BAIAP2: variants seen among roughly 807,000 people sequenced by gnomAD.
The protein encoded by BAIAP2 is BAR/IMD domain-containing adapter protein 2.
Under a neutral mutation model 63.0 loss-of-function variants are expected in BAIAP2, and 18 were observed. The ratio of observed to expected loss-of-function variants is 0.29; its 90% CI spans 0.20 to 0.42. BAIAP2 has a LOEUF of 0.42. Ranked by LOEUF, BAIAP2 falls within the 10% of genes least tolerant of loss-of-function variation. The probability of loss-of-function intolerance (pLI) is 1.00; values close to 1 mark genes in which losing one functional copy is unlikely to be tolerated. For synonymous variants in BAIAP2, 386 were observed against 307.6 expected (o/e 1.25, Z -2.67); for missense variants, 610 against 734.3 (o/e 0.83, Z 1.96).
At chr17:81,050,725 AAATG>A (rs1301234990) in intron 1 of BAIAP2, among the ~76,000 whole-genome samples, 6 of 18,228 alleles carry the variant, frequency 3.3e-4, no homozygotes, top group African/African-American at 8.5e-4. Flanking sequence ...ACACGCACAC[AAATG>A]TGCACATGCA....
intron 6 of BAIAP2, among the ~76,000 whole-genome samples, chr17:81,095,360 A>G (rs2057448262): frequency 6.6e-6 from 1 of 152,150 alleles, no homozygotes; most frequent in South Asian, 2.1e-4. Flanking sequence ...ACAGCAGGTC[A>G]CAGTTGGCCG....
chr17:81,108,656 C>T (rs1568190757), intron 13 of BAIAP2, 147 bp downstream of exon 13: 1 of 1,068,090 alleles, frequency 9.4e-7, no homozygotes, highest in Non-Finnish European at 1.4e-6. Flanking sequence ...CGGGGATGTC[C>T]CTTAGGGCGT....
At chr17:81,061,611 A>C (rs2050571276) in intron 3 of BAIAP2, among the ~76,000 whole-genome samples, 1 of 152,044 alleles carries the variant, frequency 6.6e-6, no homozygotes, top group South Asian at 2.1e-4. Flanking sequence ...AATTTGTTGC[A>C]TTTCGTCGCT....
intron 1 of BAIAP2, among the ~76,000 whole-genome samples, chr17:81,051,907 C>G (rs897745583): frequency 6.6e-6 from 1 of 152,226 alleles, no homozygotes; most frequent in Non-Finnish European, 1.5e-5. Context: ...CCAGGCCGGT[C>G]TTGAACGCTT....
At chr17:81,036,910 T>C (rs2046351284) in intron 1 of BAIAP2, 2 of 1,535,626 alleles carry the variant, frequency 1.3e-6, no homozygotes, top group African/African-American at 1.4e-5. Flanking sequence ...TTTTTTCTCC[T>C]TCTGCGCTGA....
chr17:81,043,812 G>T (rs926182907), intron 1 of BAIAP2, among the ~76,000 whole-genome samples: 1 of 152,248 alleles, frequency 6.6e-6, no homozygotes, highest in African/African-American at 2.4e-5. Flanking sequence ...CAACTCCAGG[G>T]CCCTCTGGCT....
At chr17:81,055,903 T>G (rs1325875373) in intron 2 of BAIAP2, among the ~76,000 whole-genome samples, 2 of 152,142 alleles carry the variant, frequency 1.3e-5, no homozygotes, top group African/African-American at 4.8e-5. Flanking sequence ...ATGCTTGGGC[T>G]GTGGCAGTGA....
chr17:81,097,204 C>G (rs1305403390), intron 6 of BAIAP2, among the ~76,000 whole-genome samples: 1 of 152,202 alleles, frequency 6.6e-6, no homozygotes, highest in Admixed American at 6.5e-5. Context: ...AGTAGCAAGC[C>G]CGTTGTTTTG....
chr17:81,044,377 C>A (rs530915368), intron 1 of BAIAP2, among the ~76,000 whole-genome samples: 1 of 152,226 alleles, frequency 6.6e-6, no homozygotes, highest in Admixed American at 6.5e-5. Flanking sequence ...GGGACCAACA[C>A]GGCGCCACAG....
intron 1 of BAIAP2, among the ~76,000 whole-genome samples, chr17:81,045,321 C>A (rs2047657653): frequency 6.6e-6 from 1 of 151,966 alleles, no homozygotes; most frequent in Non-Finnish European, 1.5e-5. Flanking sequence ...GGCTGGGGGC[C>A]CAGGGGAATG....
chr17:81,082,776 G>C (rs1384647459), intron 3 of BAIAP2, among the ~76,000 whole-genome samples: 2 of 152,240 alleles, frequency 1.3e-5, no homozygotes, highest in African/African-American at 2.4e-5. Flanking sequence ...GGAGGTGCCT[G>C]AGATGCCTGG....
At chr17:81,092,702 C>T (rs577091903) in intron 6 of BAIAP2, among the ~76,000 whole-genome samples, 174 of 152,184 alleles carry the variant, frequency 1.1e-3, no homozygotes, top group African/African-American at 4.0e-3. Context: ...ACCGCCCTGA[C>T]GGCCTTGGGC....
intron 12 of BAIAP2, chr17:81,107,456 T>C (rs1311724436): frequency 1.3e-5 from 2 of 153,016 alleles, no homozygotes; most frequent in Non-Finnish European, 2.9e-5. Context: ...GGCCCTGGTG[T>C]GGGTTCTCGG....
intron 2 of BAIAP2, 135 bp from the exon 3 acceptor site, chr17:81,057,746 G>A (rs1367202567): frequency 9.9e-6 from 14 of 1,412,630 alleles, no homozygotes; most frequent in Middle Eastern, 2.0e-4. Flanking sequence ...AAATCACAGC[G>A]AGTCGAGTAT....
chr17:81,109,372 TAAAAAAAAAAA>T lies in BAIAP2; in HGVS notation c.1535+876_1535+886del, dbSNP rs747875777. 18 of 890,620 alleles carry T rather than the reference TAAAAAAAAAAA, an allele frequency of 2.0e-5. No homozygotes were observed. The East Asian group carries it at 6.4e-4, about 32-fold the overall frequency. 55.2% of individuals were successfully genotyped at this position (890,620 alleles called of 1,614,324 possible). On this transcript the variant is annotated intron_variant, in intron 13 of 13. Coordinates refer to ENST00000428708, the MANE Select transcript of BAIAP2 (RefSeq NM_001144888.2). ...AAAGTTTGAAGAAAAAGAAAAATCT[TAAAAAAAAAAA>T]AAAAAAAAAAAAGAAAAAAAGAAAA...
In BAIAP2 at chr17:81,106,289, A is replaced by G. The variant is rs946185025; in HGVS notation, c.1337+143A>G. ...CAGGGCCATCCCCAGTGGCCCTGAGAGCTGGACGCTTGAGGCCTTCAGGGT... is the reference window on the plus strand; with the variant it reads ...CAGGGCCATCCCCAGTGGCCCTGAGGGCTGGACGCTTGAGGCCTTCAGGGT... On this transcript the variant is annotated intron_variant, in intron 11 of 13. Coordinates refer to ENST00000428708, the MANE Select transcript of BAIAP2 (RefSeq NM_001144888.2). 9 of 912,172 alleles carry G rather than the reference A, an allele frequency of 9.9e-6. No homozygotes were observed. In the African/African-American group the frequency reaches 1.3e-4, roughly 14 times the overall value. 56.5% of individuals were successfully genotyped at this position (912,172 alleles called of 1,614,324 possible). A position where few individuals can be genotyped will look rare whatever the true frequency, so the allele number is the denominator to read the frequency against.
rs954211872 is a variant in BAIAP2, at chr17:81,046,688, C to T, written c.55-6980C>T. Among the ~76,000 whole-genome samples, 7 of 152,164 alleles carry T rather than the reference C, an allele frequency of 4.6e-5. No individual in the cohort carries two copies. Among genetic ancestry groups the T allele is most frequent in the African/African-American group, 9.7e-5 (4 of 41,414 alleles). ...CAGCAAGCTCTGAGGTGTCCTCCCG[C>T]GAGGACACTGTCCACTGCTGCAGGG... On this transcript the variant is annotated intron_variant, in intron 1 of 13. Transcript: ENST00000428708. The surrounding 1 kb of genome is among the most constrained non-coding windows in gnomAD (Gnocchi z 4.5).
At chr17:81,097,445 A>G (rs1464659792) in intron 6 of BAIAP2, 1 of 152,310 alleles carries the variant, frequency 6.6e-6, no homozygotes, top group Non-Finnish European at 1.5e-5. Flanking sequence ...GTAGGCAGCC[A>G]GGGAACAGGC....
At chr17:81,087,379 G>GTGCGTGTGTC (rs2055867383) in intron 6 of BAIAP2, 1 of 152,250 alleles carries the variant, frequency 6.6e-6, no homozygotes, top group Non-Finnish European at 1.5e-5. Flanking sequence ...ACCTGCCCGT[G>GTGCGTGTGTC]TGCGTGTGTC....
Sources: gnomAD v4.1 joint callset for allele counts (sites outside exome capture counted in the v4.1 genomes callset) on GRCh38, gnomAD v4.1.1 for gene constraint, Gnocchi (gnomAD v3.1) non-coding constraint, MANE v1.5 for transcripts, NCBI Gene and HGNC (gene_info 2026-07-23, HGNC 2026-07-21) for gene names.